Variants in DST observed in about 807,000 individuals in gnomAD.
The protein encoded by DST is dystonin.
DST carries 253 observed loss-of-function variants against 875.2 expected under a neutral mutation model. That is an observed-to-expected ratio of 0.29 (90% CI 0.26 to 0.32). DST has a LOEUF of 0.32. Among genes scored for constraint, DST ranks in the 10% least tolerant of loss-of-function variants. The pLI, the probability that DST is intolerant of heterozygous loss-of-function variation, is 1.00. For missense variants in DST, 8,287 were observed against 9,111.6 expected (o/e 0.91, Z 3.68); for synonymous variants, 3,124 against 3,197.1 (o/e 0.98, Z 0.77).
chr6:56,900,821 A>C (rs1793697628), intron 2 of DST, among the ~76,000 whole-genome samples, 200 bp from the exon 3 acceptor site: 1 of 150,278 alleles, frequency 6.7e-6, no homozygotes, highest in Non-Finnish European at 1.5e-5. Context: ...CCAGTATTTC[A>C]GGGCCCAGAG....
At chr6:56,683,144 G>A (rs901048623) in intron 9 of DST, among the ~76,000 whole-genome samples, 4 of 152,176 alleles carry the variant, frequency 2.6e-5, no homozygotes, top group Non-Finnish European at 5.9e-5. Context: ...GTAGGAAGAA[G>A]GGGGTCTTAT....
At position 56,493,633 on chromosome 6, in the gene DST, A is replaced by G. The variant is rs187444424; in HGVS notation, c.20394+377T>C. Among the ~76,000 whole-genome samples, 8 of 152,228 alleles carry G rather than the reference A, an allele frequency of 5.3e-5. No individual in the cohort carries two copies. The East Asian group carries it at 1.2e-3, about 22-fold the overall frequency. ...AATGTAAGTACTTAAAAGAATATAC[A>G]CAATCATCTCACTCTCTTGCTTTCC... On this transcript the variant is annotated intron_variant, in intron 83 of 103. Coordinates refer to ENST00000680361, the MANE Select transcript of DST (RefSeq NM_001374736.1).
chr6:56,482,940 G>T, intron 88 of DST, 63 bp from the exon 89 acceptor site: 1 of 1,276,210 alleles, frequency 7.8e-7, no homozygotes, highest in Non-Finnish European at 1.1e-6. Flanking sequence ...AACACATACT[G>T]TTTGAGATAT....
At position 56,493,128 on chromosome 6, in the gene DST, C is replaced by T. The variant is rs766971861; in HGVS notation, c.20395-39G>A. ...TTGTTTAGTATGTGATGTTTAAGGGCCTTGGTTATTTTGTTTGTTTCAGTT... is the reference window on the plus strand; with the variant it reads ...TTGTTTAGTATGTGATGTTTAAGGGTCTTGGTTATTTTGTTTGTTTCAGTT... On this transcript the variant is annotated intron_variant, in intron 83 of 103. Transcript: ENST00000680361. 142 of 1,563,594 alleles carry T rather than the reference C, an allele frequency of 9.1e-5. No homozygotes were observed. The Middle Eastern group carries it at 1.0e-3, about 11-fold the overall frequency.
At position 56,515,609 on chromosome 6, in the gene DST, C is replaced by T; in HGVS notation, c.18417G>A (p.Arg6139=). The stretch of plus-strand genomic sequence containing the variant: ...ACTGTGCCCGTTCCAGCTGCAGATA[C>T]CTTTCTGAATTAATCTGGCAGATGG... The part of the protein sequence containing the change: ...YDTICQINSE[R]YLQLERAQSL... Residue 6139 remains arginine, a synonymous_variant, in exon 72 of 104, where the codon AGG becomes AGA. Coordinates refer to ENST00000680361, the MANE Select transcript of DST (RefSeq NM_001374736.1). The T allele has an allele frequency of 6.2e-7, 1 of 1,613,666 alleles. No individual in the cohort carries two copies. Among genetic ancestry groups the T allele is most frequent in the Non-Finnish European group, 8.5e-7 (1 of 1,179,734 alleles).
intron 4 of DST, among the ~76,000 whole-genome samples, chr6:56,763,661 C>G (rs1193234926): frequency 7.6e-6 from 1 of 130,814 alleles, no homozygotes; most frequent in East Asian, 2.7e-4. Flanking sequence ...AACGAGACTC[C>G]TCTTAAAAAA....
chr6:56,719,193 A>G lies in DST; in HGVS notation c.688-14824T>C, dbSNP rs556689414. Among the ~76,000 whole-genome samples the G allele has an allele frequency of 2.9e-4, 44 of 152,350 alleles. No individual in the cohort carries two copies. In the South Asian group the frequency reaches 8.9e-3, roughly 31 times the overall value. ...TTAATAATGGTTCCCAGAATGTAAGACAGAATGTTAGACTATTCTAATATG... is the reference window on the plus strand; with the variant it reads ...TTAATAATGGTTCCCAGAATGTAAGGCAGAATGTTAGACTATTCTAATATG... On this transcript the variant is annotated intron_variant, in intron 5 of 103. Transcript: ENST00000680361.
At chr6:56,819,669 A>C (rs2099770722) in intron 4 of DST, among the ~76,000 whole-genome samples, 1 of 152,202 alleles carries the variant, frequency 6.6e-6, no homozygotes, top group Non-Finnish European at 1.5e-5. Context: ...GGAAATATTT[A>C]TGTACTTTAT....
At chr6:56,767,848 A>G (rs1040976138) in intron 4 of DST, among the ~76,000 whole-genome samples, 15 of 152,126 alleles carry the variant, frequency 9.9e-5, no homozygotes, top group African/African-American at 3.6e-4. Context: ...GGAGTTAGCC[A>G]TACAGATATC....
intron 10 of DST, among the ~76,000 whole-genome samples, chr6:56,663,137 G>A (rs1015428390): frequency 1.2e-4 from 19 of 152,100 alleles, no homozygotes; most frequent in Non-Finnish European, 1.5e-5. Flanking sequence ...CCAAACTGTA[G>A]GTAAAACCAT....
Position 56,570,407 on chromosome 6 carries a change from G to T in DST, c.13722-395C>A, listed in dbSNP as rs1256536142. ...TGAAACTAGGCAGTCCCATCTGGGG[G>T]TGATGGGAGATGGTGGCAGATCATC... On this transcript the variant is annotated intron_variant, in intron 53 of 103. Coordinates refer to ENST00000680361, the MANE Select transcript of DST (RefSeq NM_001374736.1). 1.3e-5 allele frequency among the ~76,000 whole-genome samples: 2 copies of T among 152,168 alleles called. 1 individual carries two copies. The highest frequency in any genetic ancestry group is 4.1e-4 in the South Asian group (2 of 4,834).
At position 56,890,832 on chromosome 6, in the gene DST, T is replaced by C. The variant is rs183101588; in HGVS notation, c.417+9589A>G. Among the ~76,000 whole-genome samples the C allele has an allele frequency of 1.2e-3, 177 of 152,346 alleles. 2 individuals are homozygous for C. The highest frequency in any genetic ancestry group is 4.7e-4 in the Non-Finnish European group (32 of 68,024). On this transcript the variant is annotated intron_variant, in intron 3 of 103. Transcript: ENST00000680361. ...CAGTCTTTCTCACTCATGGGCCTAT[T>C]TCTTATTTAGATTGCCACTAGAAAT...
rs145245593 is a variant in DST at position 56,765,490 on chromosome 6, T to C, written c.626-30201A>G. ...TTCCAATCAACCATAGTAGAAATAA[T>C]GCACGAAACATATGCATGCCAGGAT... On this transcript the variant is annotated intron_variant, in intron 4 of 103. Transcript: ENST00000680361. Among the ~76,000 whole-genome samples, 713 of 152,218 alleles carry C rather than the reference T, an allele frequency of 4.7e-3. 5 individuals are homozygous for C. Among genetic ancestry groups the C allele is most frequent in the African/African-American group, 0.016 (676 of 41,530 alleles).
At chr6:56,487,049 TGTGTATTTGAAAGA>T in intron 87 of DST, 41 bp downstream of exon 87, 2 of 1,560,516 alleles carry the variant, frequency 1.3e-6, no homozygotes, top group Non-Finnish European at 1.8e-6. Context: ...GCACCATTAC[TGTGTATTTGAAAGA>T]GGTCTACAGA....
rs935580234 is a variant in DST, at chr6:56,536,873, C to A, written c.16676G>T (p.Gly5559Val). Residue 5559 changes from glycine (G) to valine (V), a missense_variant, in exon 62 of 104, where the codon GGC (glycine) becomes GTC (valine). Coordinates refer to ENST00000680361, the MANE Select transcript of DST (RefSeq NM_001374736.1). ...KQQDVNWLGQ[G>V]LIQSAAKSTS... Reference sequence around the variant, plus strand: ...GCTTTTGGCAGCACTCTGAATAAGGCCTTGACCTAACCAGTTTACATCTTG... The same window carrying A: ...GCTTTTGGCAGCACTCTGAATAAGGACTTGACCTAACCAGTTTACATCTTG... The A allele has an allele frequency of 2.5e-6, 4 of 1,613,704 alleles. No individual in the cohort carries two copies. The highest frequency in any genetic ancestry group is 3.4e-6 in the Non-Finnish European group (4 of 1,179,810).
chr6:56,615,986 G>A, intron 36 of DST: 1 of 1,614,230 alleles, frequency 6.2e-7, no homozygotes, highest in Non-Finnish European at 8.5e-7. Flanking sequence ...CTTTTTGCCA[G>A]TAAGAGGATC....
chr6:56,758,223 T>C (rs1158409218), intron 4 of DST, among the ~76,000 whole-genome samples: 1 of 152,208 alleles, frequency 6.6e-6, no homozygotes, highest in African/African-American at 2.4e-5. Context: ...TAGATGTGGC[T>C]ATGTTCCAGT....
chr6:56,818,625 A>T (rs1449455815), intron 4 of DST, among the ~76,000 whole-genome samples: 5 of 152,176 alleles, frequency 3.3e-5, no homozygotes, highest in Non-Finnish European at 7.3e-5. Flanking sequence ...TAGTAAGTAT[A>T]AGACACACTG....
intron 4 of DST, among the ~76,000 whole-genome samples, chr6:56,782,863 T>C (rs2099696908): frequency 6.6e-6 from 1 of 152,214 alleles, no homozygotes; most frequent in Non-Finnish European, 1.5e-5. Flanking sequence ...GGGCATTTAG[T>C]GCTATAAATT....
Sources: allele counts gnomAD v4.1 joint callset (sites outside exome capture counted in the v4.1 genomes callset), GRCh38; gene constraint gnomAD v4.1.1; transcripts MANE v1.5; gene names NCBI Gene and HGNC (gene_info 2026-07-23, HGNC 2026-07-21).